The following CNTN5 variants were observed in gnomAD, a reference collection of about 807,000 sequenced individuals.
CNTN5 encodes the protein contactin-5.
A neutral mutation model predicts 129.1 loss-of-function variants in CNTN5; 77 were observed. The ratio of observed to expected loss-of-function variants is 0.60; its 90% confidence interval spans 0.50 to 0.72. The LOEUF (loss-of-function observed/expected upper bound fraction) is 0.72. Ranked by LOEUF, CNTN5 falls within the 30% of genes least tolerant of loss-of-function variation. CNTN5 has a pLI of 0.00. For synonymous variants in CNTN5, 509 were observed against 465.6 expected (o/e 1.09, Z -1.20); for missense variants, 1,478 against 1,328.8 (o/e 1.11, Z -1.75).
chr11:99,378,931 A>T (rs1591597857), intron 2 of CNTN5, among the ~76,000 whole-genome samples: 1 of 152,096 alleles, frequency 6.6e-6, no homozygotes. Context: ...ATGAAACAAG[A>T]TAAGAGCAAG....
chr11:99,258,712 CTTAT>C (rs1225924377), intron 1 of CNTN5, among the ~76,000 whole-genome samples: 2 of 151,538 alleles, frequency 1.3e-5, no homozygotes, highest in African/African-American at 2.4e-5. Context: ...TAGGTTTTTT[CTTAT>C]TTATGCATTT....
Position 100,114,951 on chromosome 11 carries a change from C to T in CNTN5, c.1580+40657C>T, listed in dbSNP as rs529239622. Among the ~76,000 whole-genome samples, 21 of 151,818 alleles carry T rather than the reference C, an allele frequency of 1.4e-4. No individual in the cohort carries two copies. The East Asian group carries it at 3.9e-3, about 28-fold the overall frequency. On this transcript the variant is annotated intron_variant, in intron 13 of 24. Coordinates refer to ENST00000524871, the MANE Select transcript of CNTN5 (RefSeq NM_014361.4). Reference sequence around the variant, plus strand: ...CTACCTTTTGTCCCACTCCACTCCACCCACCATTCTGACTGTGGAAGCTCC... The same window carrying T: ...CTACCTTTTGTCCCACTCCACTCCATCCACCATTCTGACTGTGGAAGCTCC...
At chr11:100,278,521 T>A (rs1350657578) in intron 18 of CNTN5, among the ~76,000 whole-genome samples, 2 of 152,026 alleles carry the variant, frequency 1.3e-5, no homozygotes, top group African/African-American at 4.8e-5. Flanking sequence ...TAGAGATATT[T>A]CATTTATTTG....
chr11:99,062,773 T>A (rs896123130), intron 1 of CNTN5, among the ~76,000 whole-genome samples: 1 of 152,126 alleles, frequency 6.6e-6, no homozygotes, highest in Non-Finnish European at 1.5e-5. Context: ...AACAATGCCA[T>A]TGATAAAATG....
chr11:99,793,642 A>G (rs989122252), intron 3 of CNTN5, among the ~76,000 whole-genome samples: 3 of 152,148 alleles, frequency 2.0e-5, no homozygotes, highest in African/African-American at 7.2e-5. Context: ...ATTACTTTCA[A>G]AAAATTCCTT....
chr11:100,041,981 T>C (rs11222495), intron 9 of CNTN5, among the ~76,000 whole-genome samples: 36,055 of 152,078 alleles, frequency 0.24, 4,951 homozygotes, highest in East Asian at 0.47. Flanking sequence ...ATATTCAAGT[T>C]AGATGCAGTT....
chr11:99,194,484 G>A (rs1445894695), intron 1 of CNTN5, among the ~76,000 whole-genome samples: 1 of 152,124 alleles, frequency 6.6e-6, no homozygotes, highest in African/African-American at 2.4e-5. Context: ...ATCCCCAAAA[G>A]CTGAAGTTCT....
chr11:99,140,261 T>G (rs1591263457), intron 1 of CNTN5, among the ~76,000 whole-genome samples: 1 of 152,208 alleles, frequency 6.6e-6, no homozygotes, highest in East Asian at 1.9e-4. Flanking sequence ...GTTAGTAACA[T>G]GGGTAAATTT....
intron 2 of CNTN5, among the ~76,000 whole-genome samples, chr11:99,535,048 G>A (rs180808678): frequency 1.7e-4 from 26 of 152,278 alleles, no homozygotes; most frequent in African/African-American, 6.3e-4. Context: ...CATGTAGTAT[G>A]TATGCCATAG....
chr11:99,973,986 C>A (rs1937761042), intron 8 of CNTN5, among the ~76,000 whole-genome samples: 1 of 152,084 alleles, frequency 6.6e-6, no homozygotes, highest in Non-Finnish European at 1.5e-5. Flanking sequence ...CAATATAATC[C>A]TGCCATTATT....
chr11:100,083,624 T>G (rs1049548374), intron 13 of CNTN5, among the ~76,000 whole-genome samples: 1 of 152,182 alleles, frequency 6.6e-6, no homozygotes, highest in African/African-American at 2.4e-5. Flanking sequence ...GTACTCACAC[T>G]CTGCCAAATA....
At chr11:100,084,455 C>G (rs181925056) in intron 13 of CNTN5, among the ~76,000 whole-genome samples, 1 of 152,118 alleles carries the variant, frequency 6.6e-6, no homozygotes, top group South Asian at 2.1e-4. Flanking sequence ...TACATAGTCA[C>G]TTCTTTTCAG....
chr11:99,062,424 C>T (rs1215011489), intron 1 of CNTN5, among the ~76,000 whole-genome samples: 1 of 152,106 alleles, frequency 6.6e-6, no homozygotes, highest in Non-Finnish European at 1.5e-5. Flanking sequence ...TAGTAGCATT[C>T]TGACAGAGAA....
intron 1 of CNTN5, among the ~76,000 whole-genome samples, chr11:99,263,113 T>A (rs991714882): frequency 2.0e-4 from 31 of 152,112 alleles, no homozygotes; most frequent in African/African-American, 7.5e-4. Flanking sequence ...ACCAATAATT[T>A]GGTTTTCTGA....
chr11:99,513,201 C>T (rs1339282203), intron 2 of CNTN5, among the ~76,000 whole-genome samples: 2 of 152,140 alleles, frequency 1.3e-5, no homozygotes, highest in Non-Finnish European at 2.9e-5. Flanking sequence ...CAGAGAAAAG[C>T]CCTTACTCTT....
intron 2 of CNTN5, among the ~76,000 whole-genome samples, chr11:99,534,737 G>A (rs537597498): frequency 7.9e-5 from 12 of 152,290 alleles, no homozygotes; most frequent in African/African-American, 2.4e-4. Flanking sequence ...GTAATGCCAG[G>A]TTGGGATGGG....
intron 8 of CNTN5, among the ~76,000 whole-genome samples, chr11:99,957,754 T>C (rs1478740765): frequency 2.6e-5 from 4 of 152,144 alleles, no homozygotes. Context: ...AAGTGCTGTT[T>C]TTTCATATGC....
chr11:99,503,056 T>C (rs1946484925), intron 2 of CNTN5, among the ~76,000 whole-genome samples: 2 of 152,242 alleles, frequency 1.3e-5, no homozygotes. Context: ...ATATCTATCC[T>C]TTCCATCTTT....
chr11:99,318,112 G>A (rs868205552), intron 1 of CNTN5, among the ~76,000 whole-genome samples: 2 of 152,130 alleles, frequency 1.3e-5, no homozygotes, highest in Non-Finnish European at 2.9e-5. Context: ...ACCCATAAAT[G>A]TAAGAGAAAT....
Sources: allele counts gnomAD v4.1 joint callset (sites outside exome capture counted in the v4.1 genomes callset), GRCh38; gene constraint gnomAD v4.1.1; transcripts MANE v1.5; gene names NCBI Gene and HGNC (gene_info 2026-07-23, HGNC 2026-07-21).